COL11A1: variants seen among roughly 807,000 people sequenced by gnomAD.
COL11A1 encodes collagen type XI alpha 1 chain.
COL11A1 carries 74 observed loss-of-function variants against 265.2 expected under a neutral mutation model. The observed-to-expected ratio is 0.28, with a 90% CI of 0.23 to 0.34. COL11A1 has a LOEUF of 0.34. COL11A1 is among the 10% of genes least tolerant of loss of function. The pLI, the probability that COL11A1 is intolerant of heterozygous loss-of-function variation, is 1.00. For missense variants in COL11A1, 2,165 were observed against 2,263.6 expected (o/e 0.96, Z 0.88); for synonymous variants, 816 against 727.6 (o/e 1.12, Z -1.96).
chr1:102,996,531 G>A (rs944369171), intron 26 of COL11A1, among the ~76,000 whole-genome samples: 1 of 151,656 alleles, frequency 6.6e-6, no homozygotes, highest in Admixed American at 6.6e-5. Flanking sequence ...TAGATAAAAT[G>A]TTCTATCAAT....
intron 4 of COL11A1, among the ~76,000 whole-genome samples, chr1:103,043,517 T>C (rs1449302884): frequency 1.3e-5 from 2 of 152,072 alleles, no homozygotes; most frequent in Non-Finnish European, 2.9e-5. Context: ...CTTCTCATAG[T>C]GAGTACTCAA....
Position 103,002,457 on chromosome 1 carries a change from G to A in COL11A1, c.2068C>T (p.Pro690Ser). Residue 690 changes from proline to serine, a missense_variant, in exon 23 of 67, where the codon CCA becomes TCA. Pro to Ser is a moderately conservative substitution (Grantham distance 74, BLOSUM62 -1). Coordinates refer to ENST00000370096, the MANE Select transcript of COL11A1 (RefSeq NM_001854.4). ...GGTCCTGGATTCCCTTGTTGACCTGGAGGCCCAGGCTCCCCTTGGGGACCC... is the reference window on the plus strand; with the variant it reads ...GGTCCTGGATTCCCTTGTTGACCTGAAGGCCCAGGCTCCCCTTGGGGACCC... ...NMGPQGEPGP[P>S]GQQGNPGPQG... 6.2e-7 allele frequency: 1 copy of A among 1,610,154 alleles called. No individual in the cohort carries two copies. The highest frequency in any genetic ancestry group is 8.5e-7 in the Non-Finnish European group (1 of 1,178,378).
intron 38 of COL11A1, 84 bp downstream of exon 38, chr1:102,965,403 T>G (rs1459237764): frequency 8.2e-6 from 10 of 1,224,584 alleles, no homozygotes; most frequent in Non-Finnish European, 1.2e-5. Context: ...TCATAATAAA[T>G]TTAGAAGATT....
In COL11A1 at chr1:102,914,275, T is replaced by TC. The variant is rs543998701; in HGVS notation, c.3978+76_3978+77insG. 186 of 1,162,942 alleles carry TC rather than the reference T, an allele frequency of 1.6e-4. 2 individuals are homozygous for TC. The African/African-American group carries it at 2.2e-3, about 14-fold the overall frequency. The allele number at this position is 1,162,942 out of a possible 1,614,324, so 72.0% of individuals were successfully genotyped here. ...GGGAGTTCACTTAGGTTATTAGATT[T>TC]TTTTTTCTTTATTAACAATACAGAA... On this transcript the variant is annotated intron_variant, in intron 52 of 66. Coordinates refer to ENST00000370096, the MANE Select transcript of COL11A1 (RefSeq NM_001854.4).
At chr1:102,989,437 C>A in intron 29 of COL11A1, 81 bp downstream of exon 29, 1 of 755,232 alleles carries the variant, frequency 1.3e-6, no homozygotes, top group Non-Finnish European at 2.0e-6. Flanking sequence ...CATATGCTTA[C>A]TATATTTAAA....
intron 46 of COL11A1, among the ~76,000 whole-genome samples, chr1:102,927,164 T>A (rs1656690208): frequency 6.6e-6 from 1 of 152,164 alleles, no homozygotes; most frequent in Admixed American, 6.5e-5. Context: ...ATTTTTTATA[T>A]AAATTCAATT....
At chr1:102,974,777 A>C in intron 36 of COL11A1, 53 bp downstream of exon 36, 1 of 1,412,988 alleles carries the variant, frequency 7.1e-7, no homozygotes, top group Admixed American at 1.7e-5. Flanking sequence ...TGTGACTCTC[A>C]AAAATGTAAA....
chr1:102,879,737 CTCA>C lies in COL11A1; in HGVS notation c.5217_5219del (p.Asp1739del). ...AAGGATTATTGTCATAGGACATCTCCTCATCATTTGATCCCAGGAAGCGAAGTG... is the reference window on the plus strand; with the variant it reads ...AAGGATTATTGTCATAGGACATCTCCTCATTTGATCCCAGGAAGCGAAGTG... On this transcript the variant is annotated inframe_deletion, in exon 66 of 67. Coordinates refer to ENST00000370096, the MANE Select transcript of COL11A1 (RefSeq NM_001854.4). 1.2e-6 allele frequency: 2 copies of C among 1,613,972 alleles called. No homozygotes were observed. The highest frequency in any genetic ancestry group is 4.5e-5 in the East Asian group (2 of 44,866).
chr1:102,879,704 T>C lies in COL11A1; in HGVS notation c.5253A>G (p.Lys1751=), dbSNP rs544444081. The change falls in exon 66 of 67, where the codon AAA becomes AAG. Residue 1751 remains lysine, a synonymous_variant. Coordinates refer to ENST00000370096, the MANE Select transcript of COL11A1 (RefSeq NM_001854.4). ...EMSYDNNPFI[K]TLYDGCASRK... is the part of the protein sequence containing the mutation. ...TCACCGCACAACCATCATACAGTGTTTTGATAAAAGGATTATTGTCATAGG... is the reference window on the plus strand; with the variant it reads ...TCACCGCACAACCATCATACAGTGTCTTGATAAAAGGATTATTGTCATAGG... The C allele has an allele frequency of 6.2e-7, 1 of 1,613,810 alleles. No homozygotes were observed. The highest frequency in any genetic ancestry group is 1.1e-5 in the South Asian group (1 of 91,078).
At chr1:102,887,154 G>A in intron 62 of COL11A1, 98 bp from the exon 63 acceptor site, 3 of 1,516,552 alleles carry the variant, frequency 2.0e-6, no homozygotes, top group Middle Eastern at 1.9e-4. Context: ...AGAAATTAGA[G>A]TTGGTTTAGC....
At chr1:103,002,690 T>A (rs1665224456) in intron 22 of COL11A1, 57 bp downstream of exon 22, 2 of 1,441,984 alleles carry the variant, frequency 1.4e-6, no homozygotes, top group African/African-American at 1.4e-5. Context: ...CAACAAAAAA[T>A]GGTTTCTTAG....
chr1:103,056,115 C>T (rs572875362), intron 4 of COL11A1, among the ~76,000 whole-genome samples: 12 of 152,154 alleles, frequency 7.9e-5, no homozygotes, highest in Non-Finnish European at 1.2e-4. Flanking sequence ...AGGGTGGAAT[C>T]CAGTAGCTGA....
chr1:102,992,125 A>C (rs904560658), intron 28 of COL11A1, among the ~76,000 whole-genome samples: 13 of 152,180 alleles, frequency 8.5e-5, no homozygotes, highest in Non-Finnish European at 1.6e-4. Flanking sequence ...TTCAGTCTAC[A>C]GGGAGGCTAT....
intron 4 of COL11A1, among the ~76,000 whole-genome samples, chr1:103,043,879 G>T (rs936404762): frequency 3.3e-5 from 5 of 152,014 alleles, no homozygotes; most frequent in Non-Finnish European, 7.4e-5. Flanking sequence ...TAGGTAAGTA[G>T]CCTTGTATGT....
At chr1:102,972,612 C>T (rs17101097) in intron 36 of COL11A1, among the ~76,000 whole-genome samples, 2,597 of 152,142 alleles carry the variant, frequency 0.017, 85 homozygotes, top group African/African-American at 0.059. Context: ...AATAATTTCA[C>T]GGTATCTATG....
chr1:102,933,847 G>A (rs1657835096), intron 46 of COL11A1, among the ~76,000 whole-genome samples: 2 of 152,080 alleles, frequency 1.3e-5, no homozygotes, highest in Admixed American at 6.5e-5. Flanking sequence ...GGAGTGACCC[G>A]ATTTTCCAGG....
Position 103,008,492 on chromosome 1 carries a change from TG to T in COL11A1, c.1653del (p.Gly553ValfsTer80), listed in dbSNP as rs758358482. 6.2e-7 allele frequency: 1 copy of T among 1,613,982 alleles called. No individual in the cohort carries two copies. Among genetic ancestry groups the T allele is most frequent in the Non-Finnish European group, 8.5e-7 (1 of 1,179,938 alleles). On this transcript the variant is annotated frameshift_variant, in exon 15 of 67. Transcript: ENST00000370096. LOFTEE classifies it high-confidence loss of function. ...GPVGGPGSSG[A>X]KGESGDPGPQ... ...GGACCTGGATCACCACTCTCACCTT[TG>T]GCCCCAGATGAACCAGGCCCCCCCT...
At chr1:103,077,877 C>A (rs573707392) in intron 3 of COL11A1, among the ~76,000 whole-genome samples, 3 of 152,072 alleles carry the variant, frequency 2.0e-5, no homozygotes, top group Non-Finnish European at 4.4e-5. Flanking sequence ...ATTACTTAAA[C>A]TCTCTGAGCC....
intron 14 of COL11A1, among the ~76,000 whole-genome samples, chr1:103,009,379 A>G (rs1421735842): frequency 6.6e-6 from 1 of 152,210 alleles, no homozygotes; most frequent in Non-Finnish European, 1.5e-5. Context: ...GCACCACTGC[A>G]TTCCAGCCTA....
Sources: allele counts gnomAD v4.1 joint callset (sites outside exome capture counted in the v4.1 genomes callset), GRCh38; gene constraint gnomAD v4.1.1; transcripts MANE v1.5; gene names NCBI Gene and HGNC (gene_info 2026-07-23, HGNC 2026-07-21).